PALM2AKAP2: variants seen among roughly 807,000 people sequenced by gnomAD.
PALM2AKAP2 encodes PALM2-AKAP2 fusion protein.
Under a neutral mutation model 71.5 loss-of-function variants are expected in PALM2AKAP2, and 37 were observed. That is an observed-to-expected ratio of 0.52 (90% CI 0.40 to 0.68). The LOEUF (loss-of-function observed/expected upper bound fraction) is 0.68, where lower values mean the gene tolerates loss of function less well. Among genes scored for constraint, PALM2AKAP2 ranks in the 30% least tolerant of loss-of-function variants. The pLI is 0.00. For missense variants in PALM2AKAP2, 1,224 were observed against 1,191.8 expected (o/e 1.03, Z -0.40); for synonymous variants, 468 against 478.8 (o/e 0.98, Z 0.29).
intron 1 of PALM2AKAP2, among the ~76,000 whole-genome samples, chr9:110,065,978 C>T (rs968224741): frequency 2.0e-5 from 3 of 152,214 alleles, no homozygotes; most frequent in Non-Finnish European, 4.4e-5. Flanking sequence ...GTTGCTTCCA[C>T]CTTTTGTCTT....
In PALM2AKAP2 at chr9:109,870,460, C is replaced by A. The variant is rs371234822; in HGVS notation, c.126+2889C>A. On this transcript the variant is annotated intron_variant, in intron 2 of 9. Transcript: ENST00000302798. ...GAGTCAGCCAGTTTTCTCCTGGTAG[C>A]CTGTTAGCCACCGTCAGTAACAGTC... Among the ~76,000 whole-genome samples, 287 of 152,284 alleles carry A rather than the reference C, an allele frequency of 1.9e-3. 3 individuals are homozygous for A. Among genetic ancestry groups the A allele is most frequent in the African/African-American group, 6.6e-3 (274 of 41,550 alleles).
At chr9:109,852,434 A>T (rs191820878) in intron 1 of PALM2AKAP2, among the ~76,000 whole-genome samples, 27 of 152,272 alleles carry the variant, frequency 1.8e-4, no homozygotes, top group African/African-American at 5.3e-4. Flanking sequence ...TTTATCCAAT[A>T]CACTGTTGAT....
At chr9:109,720,489 G>A (rs1828389040) in intron 1 of PALM2AKAP2, among the ~76,000 whole-genome samples, 1 of 152,150 alleles carries the variant, frequency 6.6e-6, no homozygotes, top group South Asian at 2.1e-4. Flanking sequence ...GCTGCAGAGA[G>A]TTTTGGAAGT....
chr9:109,661,916 C>T (rs1827403047), intron 1 of PALM2AKAP2, among the ~76,000 whole-genome samples: 1 of 152,098 alleles, frequency 6.6e-6, no homozygotes, highest in African/African-American at 2.4e-5. Context: ...GTATTTTATT[C>T]TCTTTGAAGC....
intron 3 of PALM2AKAP2, among the ~76,000 whole-genome samples, chr9:109,919,248 A>C (rs746284057): frequency 3.3e-5 from 5 of 152,132 alleles, no homozygotes; most frequent in Non-Finnish European, 7.3e-5. Flanking sequence ...TTTCCCCTTC[A>C]CTAGACACAT....
intron 1 of PALM2AKAP2, chr9:109,862,939 A>AG (rs775330076): frequency 1.9e-6 from 1 of 514,282 alleles, no homozygotes; most frequent in Non-Finnish European, 3.9e-6. Context: ...GGATCATGGT[A>AG]GGGGGCCATG....
chr9:110,141,823 A>G (rs754018739), intron 2 of PALM2AKAP2, among the ~76,000 whole-genome samples: 1 of 152,216 alleles, frequency 6.6e-6, no homozygotes, highest in Non-Finnish European at 1.5e-5. Context: ...CTAAAACCTT[A>G]AAGCAAATAA....
At chr9:109,836,620 A>G (rs188733617) in intron 1 of PALM2AKAP2, among the ~76,000 whole-genome samples, 32 of 152,352 alleles carry the variant, frequency 2.1e-4, no homozygotes, top group African/African-American at 6.7e-4. Flanking sequence ...CAAAGAAGCT[A>G]AAACCCTTGA....
exon 1 of PALM2AKAP2, chr9:110,048,821 C>G: frequency 6.5e-7 from 1 of 1,532,006 alleles, no homozygotes; most frequent in Non-Finnish European, 8.7e-7. Flanking sequence ...GGAGCAGAAC[C>G]CCAGGACTGC....
chr9:109,963,901 T>C (rs1831895589), intron 6 of PALM2AKAP2, among the ~76,000 whole-genome samples: 1 of 152,122 alleles, frequency 6.6e-6, no homozygotes, highest in African/African-American at 2.4e-5. Context: ...GTGTCCACCA[T>C]GGGTGTGCAA....
At chr9:110,009,442 C>T (rs1888989) in intron 6 of PALM2AKAP2, among the ~76,000 whole-genome samples, 68,501 of 151,826 alleles carry the variant, frequency 0.45, 18,678 homozygotes, top group Non-Finnish European at 0.61. Context: ...TGGCCGGGCG[C>T]GGTGGCTCAC....
intron 6 of PALM2AKAP2, among the ~76,000 whole-genome samples, chr9:109,993,267 C>G (rs1832517945): frequency 6.6e-6 from 1 of 151,892 alleles, no homozygotes; most frequent in Non-Finnish European, 1.5e-5. Flanking sequence ...CATTTCCCAG[C>G]TTTGCCTTCC....
intron 6 of PALM2AKAP2, among the ~76,000 whole-genome samples, chr9:110,006,348 TTC>T (rs1446810385): frequency 6.9e-6 from 1 of 144,278 alleles, no homozygotes; most frequent in African/African-American, 2.6e-5. Context: ...CTTTCTTTCT[TTC>T]TTTCTTTCTT....
At chr9:109,693,394 T>G (rs1485625527) in intron 1 of PALM2AKAP2, among the ~76,000 whole-genome samples, 3 of 151,988 alleles carry the variant, frequency 2.0e-5, no homozygotes, top group African/African-American at 7.2e-5. Context: ...TTTTGCTGAC[T>G]TTTTCAAAGA....
chr9:110,138,197 A>C (rs201693389), exon 2 of PALM2AKAP2: 259 of 1,613,900 alleles, frequency 1.6e-4, no homozygotes, highest in Non-Finnish European at 2.1e-4. Flanking sequence ...GCTCAGGGAA[A>C]GGGGGCCCCC....
At chr9:110,167,132 C>T (rs1029095118) in intron 3 of PALM2AKAP2, among the ~76,000 whole-genome samples, 4 of 152,128 alleles carry the variant, frequency 2.6e-5, no homozygotes, top group African/African-American at 7.2e-5. Context: ...TGGGAAAACT[C>T]GCTCCCACAT....
chr9:109,724,552 G>A (rs6477719), intron 1 of PALM2AKAP2, among the ~76,000 whole-genome samples: 53,917 of 152,028 alleles, frequency 0.35, 9,942 homozygotes, highest in African/African-American at 0.46. Context: ...ATTGAACAGA[G>A]TCAAGTATCT....
At chr9:110,150,087 C>T (rs1384831765) in intron 2 of PALM2AKAP2, among the ~76,000 whole-genome samples, 1 of 152,182 alleles carries the variant, frequency 6.6e-6, no homozygotes, top group African/African-American at 2.4e-5. Context: ...GAGTGGAGCC[C>T]TCATGACAGG....
At chr9:109,938,987 C>T (rs965586503) in intron 6 of PALM2AKAP2, among the ~76,000 whole-genome samples, 36 of 152,066 alleles carry the variant, frequency 2.4e-4, no homozygotes, top group African/African-American at 8.7e-4. Context: ...CAAAGTCGCA[C>T]CGCTGCACTT....
Sources: gnomAD v4.1 joint callset for allele counts (sites outside exome capture counted in the v4.1 genomes callset) on GRCh38, gnomAD v4.1.1 for gene constraint, MANE v1.5 for transcripts, NCBI Gene and HGNC (gene_info 2026-07-23, HGNC 2026-07-21) for gene names.